UNC5D: variants seen among roughly 807,000 people sequenced by gnomAD.
The protein encoded by UNC5D is netrin receptor UNC5D.
In UNC5D, 39 loss-of-function variants were observed where a neutral mutation model predicts 105.4. The ratio of observed to expected loss-of-function variants is 0.37; its 90% CI spans 0.29 to 0.48. The LOEUF (loss-of-function observed/expected upper bound fraction) is 0.48, where lower values mean the gene tolerates loss of function less well. Ranked by LOEUF, UNC5D falls within the 20% of genes least tolerant of loss-of-function variation. The pLI, the probability that UNC5D is intolerant of heterozygous loss-of-function variation, is 0.98. For missense variants in UNC5D, 991 were observed against 1,202.4 expected, an observed-to-expected ratio of 0.82 and a Z score of 2.60; for synonymous variants, 452 against 450.4, an observed-to-expected ratio of 1.00 and a Z score of -0.04.
intron 1 of UNC5D, among the ~76,000 whole-genome samples, chr8:35,309,080 G>C (rs993504533): frequency 7.2e-5 from 11 of 152,108 alleles, no homozygotes; most frequent in African/African-American, 2.7e-4. Flanking sequence ...ACTGGCTGAG[G>C]GTCGATCCCT....
At chr8:35,646,845 T>G (rs1395442340) in intron 4 of UNC5D, among the ~76,000 whole-genome samples, 1 of 152,180 alleles carries the variant, frequency 6.6e-6, no homozygotes. Context: ...TTAATATATT[T>G]AATGTATATT....
chr8:35,360,297 A>G (rs1203103058), intron 1 of UNC5D, among the ~76,000 whole-genome samples: 1 of 152,220 alleles, frequency 6.6e-6, no homozygotes, highest in Admixed American at 6.5e-5. Context: ...AGAAGATTGT[A>G]ACATATTGAA....
At chr8:35,746,379 G>A (rs1438017855) in intron 11 of UNC5D, among the ~76,000 whole-genome samples, 1 of 152,136 alleles carries the variant, frequency 6.6e-6, no homozygotes, top group Non-Finnish European at 1.5e-5. Context: ...AGAAAAAAAT[G>A]GAGAGATTTT....
intron 1 of UNC5D, among the ~76,000 whole-genome samples, chr8:35,301,760 T>C (rs1807976267): frequency 6.6e-6 from 1 of 152,220 alleles, no homozygotes; most frequent in Admixed American, 6.6e-5. Context: ...GGCCTCCTTC[T>C]TATATAATTT....
rs760554312 is a variant in UNC5D, at chr8:35,255,088, G to C, written c.103+19201G>C. The C allele has an allele frequency of 3.3e-4, 50 of 152,158 alleles. 1 individual carries two copies. Among genetic ancestry groups the C allele is most frequent in the African/African-American group, 1.1e-3 (45 of 41,436 alleles). The allele number at this position is 152,158 out of a possible 1,614,324, so 9.4% of individuals were successfully genotyped here. On this transcript the variant is annotated intron_variant, in intron 1 of 16. Coordinates refer to ENST00000404895, the MANE Select transcript of UNC5D (RefSeq NM_080872.4). ...AAGCCACATCTCTCATGGTACCCCTGTTGATCTGCAGGTCTCTGCTGGTTT... is the reference window on the plus strand; with the variant it reads ...AAGCCACATCTCTCATGGTACCCCTCTTGATCTGCAGGTCTCTGCTGGTTT...
chr8:35,354,352 G>A (rs913349784), intron 1 of UNC5D, among the ~76,000 whole-genome samples: 2 of 152,020 alleles, frequency 1.3e-5, no homozygotes, highest in African/African-American at 4.8e-5. Flanking sequence ...AAACCTCAGG[G>A]GAGAATTTTT....
At chr8:35,787,856 G>T (rs943866360) in intron 16 of UNC5D, among the ~76,000 whole-genome samples, 1 of 152,082 alleles carries the variant, frequency 6.6e-6, no homozygotes, top group Non-Finnish European at 1.5e-5. Context: ...CTGGCCTCAA[G>T]TGATCCTCCC....
At chr8:35,622,540 G>GA (rs776839209) in intron 4 of UNC5D, among the ~76,000 whole-genome samples, 26 of 152,154 alleles carry the variant, frequency 1.7e-4, no homozygotes, top group South Asian at 1.0e-3. Flanking sequence ...GTCTTCATAT[G>GA]AAAAAACAGA....
intron 1 of UNC5D, among the ~76,000 whole-genome samples, chr8:35,499,420 G>A (rs754694615): frequency 6.6e-6 from 1 of 152,106 alleles, no homozygotes; most frequent in African/African-American, 2.4e-5. Flanking sequence ...TTAACTGACC[G>A]AATGACAGAA....
At position 35,544,432 on chromosome 8, in the gene UNC5D, T is replaced by C. The variant is rs1447969561; in HGVS notation, c.104-4860T>C. On this transcript the variant is annotated intron_variant, in intron 1 of 16. Transcript: ENST00000404895. The stretch of plus-strand genomic sequence containing the variant: ...TTGTTTAAAAAAAAAAGCTGTAATA[T>C]GTTATCTGGGGGTGGATGATCCTGG... 1.9e-6 allele frequency: 3 copies of C among 1,612,630 alleles called. No individual in the cohort carries two copies. In the African/African-American group the frequency reaches 4.0e-5, roughly 22 times the overall value.
chr8:35,351,461 A>G (rs1479423241), intron 1 of UNC5D, among the ~76,000 whole-genome samples: 1 of 152,114 alleles, frequency 6.6e-6, no homozygotes, highest in South Asian at 2.1e-4. Context: ...AGTTTAAATA[A>G]TTTGAAGTCT....
intron 14 of UNC5D, 151 bp from the exon 15 acceptor site, chr8:35,766,751 A>G: frequency 1.1e-6 from 1 of 908,614 alleles, no homozygotes; most frequent in Non-Finnish European, 1.5e-6. Context: ...CAATTCCACT[A>G]AAGCTGCCTA....
At chr8:35,648,065 A>G (rs74905088) in intron 4 of UNC5D, among the ~76,000 whole-genome samples, 1,700 of 152,260 alleles carry the variant, frequency 0.011, 36 homozygotes, top group African/African-American at 0.039. Context: ...ACATATTCCT[A>G]TAGGACAATC....
At chr8:35,521,809 A>C (rs566371255) in intron 1 of UNC5D, among the ~76,000 whole-genome samples, 2 of 152,326 alleles carry the variant, frequency 1.3e-5, no homozygotes, top group Non-Finnish European at 2.9e-5. Context: ...CACTTTTCAA[A>C]ATTGTTAAAA....
chr8:35,580,166 G>A (rs748026234), intron 3 of UNC5D, among the ~76,000 whole-genome samples: 8 of 152,130 alleles, frequency 5.3e-5, no homozygotes, highest in East Asian at 1.9e-4. Flanking sequence ...ATGAGATACT[G>A]GTTTTAGTTT....
At chr8:35,529,359 A>C (rs1175130509) in intron 1 of UNC5D, among the ~76,000 whole-genome samples, 1 of 137,604 alleles carries the variant, frequency 7.3e-6, no homozygotes, top group African/African-American at 2.9e-5. Context: ...AGATAGTTGT[A>C]GATATGCGGC....
chr8:35,588,208 A>G (rs1818922493), intron 3 of UNC5D, among the ~76,000 whole-genome samples: 1 of 151,940 alleles, frequency 6.6e-6, no homozygotes, highest in Non-Finnish European at 1.5e-5. Flanking sequence ...CCACCCTCTC[A>G]ATATACATGA....
intron 1 of UNC5D, among the ~76,000 whole-genome samples, chr8:35,299,584 ACT>A: frequency 6.6e-6 from 1 of 152,196 alleles, no homozygotes; most frequent in Non-Finnish European, 1.5e-5. Flanking sequence ...GGAGATGCAA[ACT>A]GACACAGCTC....
chr8:35,547,285 C>CTTTTTTTTT (rs11363785), intron 1 of UNC5D, among the ~76,000 whole-genome samples: 2 of 128,030 alleles, frequency 1.6e-5, no homozygotes, highest in Non-Finnish European at 1.6e-5. Flanking sequence ...GAACATTACT[C>CTTTTTTTTT]TTTTTTTTTT....
Sources: gnomAD v4.1 joint callset for allele counts (sites outside exome capture counted in the v4.1 genomes callset) on GRCh38, gnomAD v4.1.1 for gene constraint, MANE v1.5 for transcripts, NCBI Gene and HGNC (gene_info 2026-07-23, HGNC 2026-07-21) for gene names.